Variants in PIBF1 observed in about 807,000 individuals in gnomAD.
PIBF1 encodes progesterone-induced-blocking factor 1.
PIBF1 carries 90 observed loss-of-function variants against 112.5 expected under a neutral mutation model. The ratio of observed to expected loss-of-function variants is 0.80; its 90% CI spans 0.67 to 0.95. PIBF1 has a LOEUF of 0.95. PIBF1 is among the 40% of genes least tolerant of loss of function. PIBF1 has a pLI of 0.00. For missense variants in PIBF1, 915 were observed against 852.3 expected, an observed-to-expected ratio of 1.07 and a Z score of -0.92; for synonymous variants, 301 against 288.6, an observed-to-expected ratio of 1.04 and a Z score of -0.44.
intron 17 of PIBF1, among the ~76,000 whole-genome samples, chr13:73,012,806 TA>T (rs1266762946): frequency 6.6e-6 from 1 of 151,166 alleles, no homozygotes; most frequent in Non-Finnish European, 1.5e-5. Flanking sequence ...CAGAAACCTC[TA>T]AAAAAGAGAA....
At chr13:72,921,962 C>T (rs1423466400) in intron 13 of PIBF1, among the ~76,000 whole-genome samples, 1 of 151,784 alleles carries the variant, frequency 6.6e-6, no homozygotes, top group Admixed American at 6.6e-5. Context: ...GCAGGGATAC[C>T]CCCCAAACAT....
At chr13:72,862,006 T>G (rs7325054) in intron 10 of PIBF1, among the ~76,000 whole-genome samples, 48 of 152,066 alleles carry the variant, frequency 3.2e-4, no homozygotes, top group African/African-American at 1.2e-3. Context: ...GAAAAAAGAA[T>G]AAAGTGATGA....
intron 14 of PIBF1, among the ~76,000 whole-genome samples, chr13:72,937,055 T>C (rs945514865): frequency 2.6e-5 from 4 of 152,294 alleles, no homozygotes; most frequent in African/African-American, 9.6e-5. Context: ...ACTAAAACAT[T>C]AGCATTAGCA....
intron 14 of PIBF1, among the ~76,000 whole-genome samples, chr13:72,937,170 T>C (rs984301266): frequency 2.6e-5 from 4 of 152,208 alleles, no homozygotes; most frequent in African/African-American, 4.8e-5. Flanking sequence ...TTTATTGATA[T>C]GGTTATGTTC....
At chr13:72,891,248 C>G (rs1383818888) in intron 10 of PIBF1, among the ~76,000 whole-genome samples, 1 of 151,954 alleles carries the variant, frequency 6.6e-6, no homozygotes, top group Non-Finnish European at 1.5e-5. Context: ...AGCAACATCC[C>G]GAATCCATAA....
intron 5 of PIBF1, among the ~76,000 whole-genome samples, chr13:72,802,547 T>C (rs1453595081): frequency 2.0e-5 from 3 of 152,098 alleles, no homozygotes; most frequent in African/African-American, 7.2e-5. Flanking sequence ...TAAAGAAAGA[T>C]AGGAGTCAAA....
intron 15 of PIBF1, among the ~76,000 whole-genome samples, chr13:72,969,989 G>A (rs2042847647): frequency 6.6e-6 from 1 of 151,996 alleles, no homozygotes; most frequent in Admixed American, 6.5e-5. Flanking sequence ...CTCATTGCTA[G>A]GTGTTGATGT....
chr13:72,957,269 C>T (rs1435838869), intron 14 of PIBF1, among the ~76,000 whole-genome samples: 1 of 152,090 alleles, frequency 6.6e-6, no homozygotes, highest in Non-Finnish European at 1.5e-5. Flanking sequence ...GCTCAAATGC[C>T]CATCAGTCAA....
intron 12 of PIBF1, among the ~76,000 whole-genome samples, chr13:72,911,536 A>T (rs2040893961): frequency 6.6e-6 from 1 of 152,148 alleles, no homozygotes; most frequent in Admixed American, 6.6e-5. Flanking sequence ...TAGGTGAGTT[A>T]TCTTTACAAC....
At chr13:72,807,585 AT>A (rs1157325621) in intron 5 of PIBF1, among the ~76,000 whole-genome samples, 2 of 142,086 alleles carry the variant, frequency 1.4e-5, no homozygotes, top group Non-Finnish European at 1.6e-5. Context: ...AAAAAAAAAA[AT>A]TTAATACATT....
At chr13:72,848,518 T>C (rs937806281) in intron 9 of PIBF1, among the ~76,000 whole-genome samples, 5 of 152,194 alleles carry the variant, frequency 3.3e-5, no homozygotes, top group African/African-American at 1.2e-4. Context: ...TTTGTTATAA[T>C]ATTAAAACCC....
rs764639439 is a variant in PIBF1 at position 72,835,331 on chromosome 13, C to T, written c.1186C>T (p.Arg396Ter). The T allele has an allele frequency of 2.5e-6, 4 of 1,590,040 alleles. No homozygotes were observed. The highest frequency in any genetic ancestry group is 2.3e-5 in the East Asian group (1 of 43,566). Residue 396 changes from arginine (R) to a stop codon, truncating the protein, a stop_gained, in exon 9 of 18, where the codon CGA becomes TGA. Coordinates refer to ENST00000326291, the MANE Select transcript of PIBF1 (RefSeq NM_006346.4). LOFTEE classifies it high-confidence loss of function. ...LKTNQEIDQL[R>*]NASREMYERE... ...AACCAACCAAGAAATTGATCAACTT[C>T]GAAATGCCTCTAGGGAAATGTATGA...
At chr13:72,932,035 A>G (rs2041725268) in intron 14 of PIBF1, among the ~76,000 whole-genome samples, 1 of 145,724 alleles carries the variant, frequency 6.9e-6, no homozygotes, top group Non-Finnish European at 1.5e-5. Context: ...TCTGCCTCCC[A>G]GGGTCAAGGA....
chr13:72,909,772 G>A (rs967155540), intron 12 of PIBF1, among the ~76,000 whole-genome samples: 5 of 152,092 alleles, frequency 3.3e-5, no homozygotes, highest in East Asian at 1.9e-4. Context: ...GATTACAGAC[G>A]TGAGCCACTG....
chr13:72,864,284 T>C (rs756488406), intron 10 of PIBF1, among the ~76,000 whole-genome samples: 10 of 152,206 alleles, frequency 6.6e-5, no homozygotes, highest in Non-Finnish European at 1.3e-4. Context: ...TCTAGCCAGC[T>C]GCCTCCCAAA....
chr13:72,977,836 AG>A (rs2043062019), intron 16 of PIBF1, among the ~76,000 whole-genome samples: 1 of 152,210 alleles, frequency 6.6e-6, no homozygotes, highest in African/African-American at 2.4e-5. Flanking sequence ...GTGGAATATT[AG>A]GTGATGTTTA....
At chr13:72,894,301 A>G (rs2040181321) in intron 11 of PIBF1, among the ~76,000 whole-genome samples, 1 of 151,998 alleles carries the variant, frequency 6.6e-6, no homozygotes, top group African/African-American at 2.4e-5. Flanking sequence ...TGAAGTATAC[A>G]TTTTTTCAGT....
intron 17 of PIBF1, among the ~76,000 whole-genome samples, chr13:73,002,383 AT>A (rs1380138147): frequency 6.6e-6 from 1 of 152,170 alleles, no homozygotes; most frequent in Non-Finnish European, 1.5e-5. Context: ...CACCCAGTTC[AT>A]TCCCACTAAT....
In PIBF1 at chr13:72,866,454, ATTCTATGATAT is replaced by A. The variant is rs144875095; in HGVS notation, c.1322+12307_1322+12317del. On this transcript the variant is annotated intron_variant, in intron 10 of 17. Coordinates refer to ENST00000326291, the MANE Select transcript of PIBF1 (RefSeq NM_006346.4). ...TTTTCTAATTTTAGGAGTTACTGAA[ATTCTATGATAT>A]TTCTATGGACTATCTTTCAACCTAC... 7.3e-3 allele frequency among the ~76,000 whole-genome samples: 1,116 copies of A among 152,240 alleles called. 8 individuals carry two copies. Among genetic ancestry groups the A allele is most frequent in the African/African-American group, 0.025 (1,025 of 41,540 alleles).
Sources: gnomAD v4.1 joint callset for allele counts (sites outside exome capture counted in the v4.1 genomes callset) on GRCh38, gnomAD v4.1.1 for gene constraint, MANE v1.5 for transcripts, NCBI Gene and HGNC (gene_info 2026-07-23, HGNC 2026-07-21) for gene names.